Variants in ASTN2 observed in about 807,000 individuals in gnomAD.
ASTN2 encodes the protein astrotactin-2.
In ASTN2, 54 loss-of-function variants were observed where a neutral mutation model predicts 139.8. The ratio of observed to expected loss-of-function variants is 0.39; its 90% confidence interval spans 0.31 to 0.48. The LOEUF is 0.48. Ranked by LOEUF, ASTN2 falls within the 20% of genes least tolerant of loss-of-function variation. ASTN2 has a pLI of 0.95. For synonymous variants in ASTN2, 756 were observed against 719.5 expected (o/e 1.05, Z -0.81); for missense variants, 1,565 against 1,725.1 (o/e 0.91, Z 1.64).
intron 21 of ASTN2, 93 bp from the exon 22 acceptor site, chr9:116,440,885 G>C: frequency 7.6e-7 from 1 of 1,312,416 alleles, no homozygotes; most frequent in Non-Finnish European, 1.1e-6. Flanking sequence ...ACAGTGGTGA[G>C]AAAGTTTGCT....
intron 10 of ASTN2, among the ~76,000 whole-genome samples, chr9:116,891,740 C>T (rs1158044734): frequency 9.9e-5 from 15 of 152,164 alleles, no homozygotes; most frequent in Non-Finnish European, 1.9e-4. Context: ...TATCTTTCCA[C>T]TTTCTTTTAT....
chr9:117,016,727 T>TACATATATAGGTTATATATATATGTTAC (rs370524490), intron 6 of ASTN2, among the ~76,000 whole-genome samples: 4 of 39,460 alleles, frequency 1.0e-4, no homozygotes, highest in African/African-American at 2.2e-4. Context: ...ATATATATGT[T>TACATATATAGGTTATATATATATGTTAC]ATATATATAG....
chr9:116,605,656 G>T (rs1292019136), intron 19 of ASTN2, among the ~76,000 whole-genome samples: 1 of 152,090 alleles, frequency 6.6e-6, no homozygotes, highest in Non-Finnish European at 1.5e-5. Flanking sequence ...ATCAGACAAA[G>T]AAGTGGGAAG....
intron 22 of ASTN2, among the ~76,000 whole-genome samples, chr9:116,436,962 A>G (rs1472838850): frequency 6.6e-6 from 1 of 151,764 alleles, no homozygotes; most frequent in Non-Finnish European, 1.5e-5. Context: ...CGCAAGAACA[A>G]AAAACCAAAC....
chr9:117,073,703 A>T (rs1828196616), intron 5 of ASTN2, among the ~76,000 whole-genome samples: 1 of 152,070 alleles, frequency 6.6e-6, no homozygotes, highest in Admixed American at 6.6e-5. Context: ...GTGACAAATT[A>T]TGTCGACAAC....
chr9:117,077,845 G>A (rs2132720047), intron 5 of ASTN2, among the ~76,000 whole-genome samples: 1 of 152,206 alleles, frequency 6.6e-6, no homozygotes, highest in East Asian at 1.9e-4. Flanking sequence ...AAAAACCCTG[G>A]CCCTTCATCC....
intron 2 of ASTN2, among the ~76,000 whole-genome samples, chr9:117,271,066 G>C (rs560525909): frequency 8.9e-4 from 135 of 152,228 alleles, no homozygotes; most frequent in African/African-American, 3.2e-3. Context: ...GCACAGACCT[G>C]GGATTCCCAC....
At chr9:116,781,318 T>A (rs1830213790) in intron 13 of ASTN2, among the ~76,000 whole-genome samples, 1 of 152,018 alleles carries the variant, frequency 6.6e-6, no homozygotes, top group Non-Finnish European at 1.5e-5. Context: ...AAATCAACAT[T>A]GACAAGGAAA....
chr9:116,749,634 C>A (rs1829346169), intron 13 of ASTN2, among the ~76,000 whole-genome samples: 1 of 152,144 alleles, frequency 6.6e-6, no homozygotes, highest in Admixed American at 6.5e-5. Flanking sequence ...CAGGAACTAA[C>A]TGATATGGTT....
intron 5 of ASTN2, among the ~76,000 whole-genome samples, chr9:117,049,885 G>T (rs1353708019): frequency 6.6e-6 from 1 of 152,098 alleles, no homozygotes; most frequent in Non-Finnish European, 1.5e-5. Context: ...GTACTCAATA[G>T]ATTAAATTGC....
chr9:117,016,629 T>TGTTAC (rs1330733841), intron 6 of ASTN2, among the ~76,000 whole-genome samples: 7,566 of 50,458 alleles, frequency 0.15, 1,449 homozygotes, highest in South Asian at 0.28. Context: ...TCTATCTATA[T>TGTTAC]ATATATATAT....
rs1190437396 is a variant in ASTN2, at chr9:116,820,497, G to A, written c.2207+120C>T. On this transcript the variant is annotated intron_variant, in intron 12 of 22. Coordinates refer to ENST00000313400, the MANE Select transcript of ASTN2 (RefSeq NM_001365068.1). The stretch of plus-strand genomic sequence containing the variant: ...CTCTTGGACTAAAACAGGAAAGGCA[G>A]AAAGGCCATTTTATTGAAGGTCAAG... 3.0e-6 allele frequency: 4 copies of A among 1,314,676 alleles called. No homozygotes were observed. The East Asian group carries it at 9.7e-5, about 32-fold the overall frequency. The allele number at this position is 1,314,676 out of a possible 1,614,324, so 81.4% of individuals were successfully genotyped here. A position where few individuals can be genotyped will look rare whatever the true frequency, so the allele number is the denominator to read the frequency against.
intron 4 of ASTN2, among the ~76,000 whole-genome samples, chr9:117,122,601 G>A (rs1829585394): frequency 6.6e-6 from 1 of 152,194 alleles, no homozygotes; most frequent in South Asian, 2.1e-4. Flanking sequence ...GGAAAGAGAA[G>A]AGATTTAAGG....
At chr9:116,990,469 G>T (rs1836821760) in intron 7 of ASTN2, among the ~76,000 whole-genome samples, 1 of 149,182 alleles carries the variant, frequency 6.7e-6, no homozygotes. Flanking sequence ...GTCTCACCAT[G>T]CTGGCCAAGC....
rs1661300 is a variant in ASTN2 at position 116,698,996 on chromosome 9, G to A, written c.2806+26775C>T. ...GCCCCAGTGGCATTGATAGCTTTGTGCTAAGCTTCCTTGGGGCAGATCTAC... is the reference window on the plus strand; with the variant it reads ...GCCCCAGTGGCATTGATAGCTTTGTACTAAGCTTCCTTGGGGCAGATCTAC... On this transcript the variant is annotated intron_variant, in intron 16 of 22. Transcript: ENST00000313400. This position sits in a 1 kb window ranked among gnomAD's most constrained non-coding sequence, Gnocchi z 4.4. 185,912 of 1,613,940 alleles carry A rather than the reference G, an allele frequency of 0.12. 11,052 individuals carry two copies. The highest frequency in any genetic ancestry group is 0.14 in the East Asian group (6,299 of 44,848).
intron 1 of ASTN2, among the ~76,000 whole-genome samples, chr9:117,302,603 C>T (rs976197995): frequency 7.9e-4 from 121 of 152,228 alleles, no homozygotes; most frequent in African/African-American, 2.5e-3. Flanking sequence ...TTGTCAACCC[C>T]AACCCCCACA....
At chr9:117,061,490 A>C (rs1004821971) in intron 5 of ASTN2, among the ~76,000 whole-genome samples, 2 of 141,300 alleles carry the variant, frequency 1.4e-5, no homozygotes, top group Non-Finnish European at 3.1e-5. Context: ...ACTTTTACAT[A>C]GGCTCATCAG....
intron 19 of ASTN2, among the ~76,000 whole-genome samples, chr9:116,555,606 T>C (rs993295588): frequency 6.6e-6 from 1 of 151,124 alleles, no homozygotes; most frequent in Non-Finnish European, 1.5e-5. Context: ...GGGAAAGCTA[T>C]TGGATAGTGC....
intron 1 of ASTN2, among the ~76,000 whole-genome samples, chr9:117,310,144 A>G (rs7867202): frequency 0.3 from 45,514 of 152,054 alleles, 7,809 homozygotes; most frequent in East Asian, 0.44. Context: ...ACATGCAAAC[A>G]TGCATCAATA....
Sources: allele counts gnomAD v4.1 joint callset (sites outside exome capture counted in the v4.1 genomes callset), GRCh38; gene constraint gnomAD v4.1.1; non-coding constraint Gnocchi (gnomAD v3.1); transcripts MANE v1.5; gene names NCBI Gene and HGNC (gene_info 2026-07-23, HGNC 2026-07-21).